Variants in COQ3 observed in about 807,000 individuals in gnomAD.
COQ3 encodes the protein coenzyme Q3, methyltransferase.
COQ3 carries 29 observed loss-of-function variants against 33.1 expected under a neutral mutation model. The observed-to-expected ratio is 0.88, with a 90% CI of 0.65 to 1.19. The LOEUF (loss-of-function observed/expected upper bound fraction) is 1.19. COQ3 is among the 50% of genes most tolerant of loss of function. The probability of loss-of-function intolerance (pLI) is 0.00; values close to 1 mark genes in which losing one functional copy is unlikely to be tolerated. For synonymous variants in COQ3, 173 were observed against 157.8 expected (o/e 1.10, Z -0.72); for missense variants, 437 against 430.7 (o/e 1.01, Z -0.13).
At position 99,377,389 on chromosome 6, in the gene COQ3, A is replaced by C; in HGVS notation, c.483T>G (p.Thr161=). 6.2e-7 allele frequency: 1 copy of C among 1,611,866 alleles called. No homozygotes were observed. Among genetic ancestry groups the C allele is most frequent in the South Asian group, 1.1e-5 (1 of 91,032 alleles). ...LDVGCGGGLL[T]EPLGRLGASV... ...TGGCAGGAAAGCTGTCACTTACTTC[A>C]GTTAACAGCCCACCACCACAGCCAA... Residue 161 remains threonine, a synonymous_variant, in exon 4 of 7, where the codon ACT becomes ACG. Transcript: ENST00000254759.
chr6:99,389,089 G>A (rs1774749319), intron 1 of COQ3, among the ~76,000 whole-genome samples: 1 of 152,134 alleles, frequency 6.6e-6, no homozygotes, highest in Non-Finnish European at 1.5e-5. Flanking sequence ...AATAGTACAT[G>A]GAAATTCTCT....
At chr6:99,388,930 CACA>C (rs761174091) in intron 1 of COQ3, among the ~76,000 whole-genome samples, 23,856 of 96,324 alleles carry the variant, frequency 0.25, 2,160 homozygotes, top group East Asian at 0.47. Context: ...CACACACACA[CACA>C]CCCACATCCT....
chr6:99,392,218 G>C (rs1002291981), intron 1 of COQ3, among the ~76,000 whole-genome samples: 4 of 152,054 alleles, frequency 2.6e-5, no homozygotes, highest in African/African-American at 4.8e-5. Context: ...CACCTACCAG[G>C]CACCATGCTG....
chr6:99,391,075 T>TTTTATTTATTTATTTATTTA (rs60755408), intron 1 of COQ3, among the ~76,000 whole-genome samples: 3 of 139,160 alleles, frequency 2.2e-5, no homozygotes, highest in South Asian at 2.5e-4. Context: ...CTTTTGCTCA[T>TTTTATTTATTTATTTATTTA]TTTATTTATT....
chr6:99,380,831 C>G (rs1422393249), intron 2 of COQ3, among the ~76,000 whole-genome samples: 1 of 151,990 alleles, frequency 6.6e-6, no homozygotes, highest in African/African-American at 2.4e-5. Context: ...CGCTTGAATC[C>G]GGGAGGTGGA....
chr6:99,375,566 G>A (rs1239484693), intron 5 of COQ3, among the ~76,000 whole-genome samples: 1 of 151,866 alleles, frequency 6.6e-6, no homozygotes, highest in Middle Eastern at 3.4e-3. Context: ...TCTATTTTTA[G>A]TAGAGATGGG....
At chr6:99,393,128 C>G (rs1774876146) in intron 1 of COQ3, among the ~76,000 whole-genome samples, 1 of 151,522 alleles carries the variant, frequency 6.6e-6, no homozygotes, top group Non-Finnish European at 1.5e-5. Context: ...CAGGCAATCA[C>G]TGCAAAATTT....
intron 5 of COQ3, 74 bp downstream of exon 5, chr6:99,375,866 A>T (rs1774265995): frequency 5.2e-6 from 8 of 1,527,256 alleles, no homozygotes; most frequent in Non-Finnish European, 7.2e-6. Flanking sequence ...TGCATTATGG[A>T]CCATTTTATT....
intron 5 of COQ3, among the ~76,000 whole-genome samples, chr6:99,375,215 G>A (rs145898085): frequency 0.025 from 3,797 of 151,720 alleles, 181 homozygotes; most frequent in African/African-American, 0.088. Flanking sequence ...TGATCCACCC[G>A]CCTCCGCCTC....
At chr6:99,378,360 G>T (rs1774367211) in intron 3 of COQ3, among the ~76,000 whole-genome samples, 1 of 151,750 alleles carries the variant, frequency 6.6e-6, no homozygotes, top group South Asian at 2.1e-4. Flanking sequence ...TTCAAATGAA[G>T]TCGATCCATT....
chr6:99,386,452 T>TAAATAAAAAATTAAAATAAATAAAAAAAA (rs1194618147), intron 1 of COQ3, among the ~76,000 whole-genome samples: 4 of 151,436 alleles, frequency 2.6e-5, no homozygotes, highest in African/African-American at 4.9e-5. Flanking sequence ...AACAAATAAA[T>TAAATAAAAAATTAAAATAAATAAAAAAAA]AAATAAAAAT....
At chr6:99,377,347 T>C (rs1325236990) in intron 4 of COQ3, 39 bp downstream of exon 4, 2 of 1,391,214 alleles carry the variant, frequency 1.4e-6, no homozygotes, top group Admixed American at 3.4e-5. Context: ...TCTTAATTTT[T>C]TTCTCCCAGT....
intron 4 of COQ3, 63 bp downstream of exon 4, chr6:99,377,323 G>T: frequency 8.6e-7 from 1 of 1,167,524 alleles, no homozygotes; most frequent in Non-Finnish European, 1.3e-6. Context: ...GAATAAATGA[G>T]GCACAAGTCT....
intron 5 of COQ3, 59 bp downstream of exon 5, chr6:99,375,881 T>C (rs1283518632): frequency 2.5e-6 from 4 of 1,584,594 alleles, no homozygotes; most frequent in African/African-American, 2.7e-5. Context: ...TTTATTGCTA[T>C]AGATACAAAT....
chr6:99,383,309 A>G (rs970307898), intron 2 of COQ3, among the ~76,000 whole-genome samples: 2 of 152,320 alleles, frequency 1.3e-5, no homozygotes, highest in African/African-American at 4.8e-5. Context: ...ATTTCTAAAA[A>G]TTTTAAAATA....
intron 1 of COQ3, 77 bp downstream of exon 1, chr6:99,393,997 C>G (rs1774902831): frequency 1.6e-6 from 2 of 1,265,802 alleles, no homozygotes; most frequent in South Asian, 1.2e-5. Flanking sequence ...AACCCACCGC[C>G]CCACCCCCGG....
At chr6:99,384,091 A>C (rs905085982) in intron 1 of COQ3, among the ~76,000 whole-genome samples, 4 of 151,648 alleles carry the variant, frequency 2.6e-5, no homozygotes, top group Non-Finnish European at 5.9e-5. Flanking sequence ...TGTTGTTGAG[A>C]TGGGGTCTCT....
intron 2 of COQ3, among the ~76,000 whole-genome samples, chr6:99,382,020 G>A (rs1189358311): frequency 1.3e-5 from 2 of 150,980 alleles, no homozygotes; most frequent in Non-Finnish European, 2.9e-5. Context: ...ATACCACTTT[G>A]TACTTCTTCA....
intron 5 of COQ3, among the ~76,000 whole-genome samples, chr6:99,373,381 T>C (rs12212417): frequency 0.36 from 55,033 of 151,470 alleles, 10,393 homozygotes; most frequent in South Asian, 0.57. Flanking sequence ...TAGTGAGCTA[T>C]GATGGTGCCA....
Sources: gnomAD v4.1 joint callset for allele counts (sites outside exome capture counted in the v4.1 genomes callset) on GRCh38, gnomAD v4.1.1 for gene constraint, MANE v1.5 for transcripts, NCBI Gene and HGNC (gene_info 2026-07-23, HGNC 2026-07-21) for gene names.